AOAH: variants seen among roughly 807,000 people sequenced by gnomAD.
The protein encoded by AOAH is acyloxyacyl hydrolase (neutrophil).
A neutral mutation model predicts 92.2 loss-of-function variants in AOAH; 64 were observed. The ratio of observed to expected loss-of-function variants is 0.69; its 90% confidence interval spans 0.57 to 0.86. The LOEUF (loss-of-function observed/expected upper bound fraction) is 0.86. Among genes scored for constraint, AOAH ranks in the 40% least tolerant of loss-of-function variants. AOAH has a pLI of 0.00. For missense variants in AOAH, 656 were observed against 694.6 expected (o/e 0.94, Z 0.62); for synonymous variants, 263 against 254.5 (o/e 1.03, Z -0.32).
chr7:36,653,310 C>T (rs1371228321), intron 4 of AOAH, among the ~76,000 whole-genome samples: 2 of 152,138 alleles, frequency 1.3e-5, no homozygotes, highest in African/African-American at 4.8e-5. Flanking sequence ...ACACTACCAC[C>T]TGAGACAGTC....
chr7:36,679,577 T>TATTATATGTATAATATGTATAC (rs1189654653), intron 2 of AOAH, among the ~76,000 whole-genome samples: 16 of 150,844 alleles, frequency 1.1e-4, no homozygotes, highest in African/African-American at 3.6e-4. Flanking sequence ...ATGTATACAT[T>TATTATATGTATAATATGTATAC]ATTATATGTA....
intron 9 of AOAH, among the ~76,000 whole-genome samples, 200 bp downstream of exon 9, chr7:36,620,581 G>C (rs1346163358): frequency 6.6e-6 from 1 of 152,216 alleles, no homozygotes; most frequent in African/African-American, 2.4e-5. Context: ...GGCCATGACT[G>C]AGAAAGCCTC....
At position 36,724,005 on chromosome 7, in the gene AOAH, A is replaced by T. The variant is rs559177271; in HGVS notation, c.127+17T>A. 4.3e-6 allele frequency: 7 copies of T among 1,610,046 alleles called. No homozygotes were observed. The East Asian group carries it at 1.6e-4, about 36-fold the overall frequency. The stretch of plus-strand genomic sequence containing the variant: ...GTTATGTCTACATAGAAAATACAAA[A>T]ATATTTATTTGCATACCTACACAGG... On this transcript the variant is annotated intron_variant, in intron 1 of 20. Coordinates refer to ENST00000617537, the MANE Select transcript of AOAH (RefSeq NM_001637.4).
chr7:36,711,053 G>T (rs571350343), intron 1 of AOAH, among the ~76,000 whole-genome samples: 7 of 152,250 alleles, frequency 4.6e-5, no homozygotes, highest in African/African-American at 1.7e-4. Flanking sequence ...CCCACACTCT[G>T]CAGGTCTTAA....
chr7:36,566,480 G>C (rs1309469935), intron 13 of AOAH, among the ~76,000 whole-genome samples: 7 of 151,312 alleles, frequency 4.6e-5, no homozygotes, highest in Admixed American at 2.0e-4. Context: ...TCATACTCCA[G>C]AACAGGTGTT....
At chr7:36,720,769 T>G (rs1799573810) in intron 1 of AOAH, among the ~76,000 whole-genome samples, 1 of 139,136 alleles carries the variant, frequency 7.2e-6, no homozygotes, top group South Asian at 2.3e-4. Context: ...ATTCTAAAAA[T>G]CCTTCCTCTC....
At chr7:36,585,067 T>C (rs1389014904) in intron 12 of AOAH, among the ~76,000 whole-genome samples, 9 of 151,996 alleles carry the variant, frequency 5.9e-5, no homozygotes, top group Non-Finnish European at 1.2e-4. Flanking sequence ...GTGACATTGG[T>C]ATTGAAGGAC....
chr7:36,683,780 A>G (rs1796796631), intron 2 of AOAH, among the ~76,000 whole-genome samples: 2 of 151,746 alleles, frequency 1.3e-5, no homozygotes, highest in African/African-American at 4.9e-5. Context: ...TGACATGTGT[A>G]AATGTATATA....
intron 3 of AOAH, among the ~76,000 whole-genome samples, chr7:36,672,194 T>C (rs916652956): frequency 6.6e-5 from 10 of 152,190 alleles, no homozygotes; most frequent in African/African-American, 2.2e-4. Flanking sequence ...ATGCACAGTA[T>C]GACAGATTAC....
chr7:36,709,868 A>T (rs1798651757), intron 1 of AOAH, among the ~76,000 whole-genome samples: 1 of 152,230 alleles, frequency 6.6e-6, no homozygotes, highest in Non-Finnish European at 1.5e-5. Flanking sequence ...ACAAACCCAA[A>T]CCACCAAAAA....
intron 1 of AOAH, among the ~76,000 whole-genome samples, chr7:36,714,822 G>T (rs904695173): frequency 6.6e-6 from 1 of 152,196 alleles, no homozygotes; most frequent in South Asian, 2.1e-4. Flanking sequence ...TTGATGGGAC[G>T]TATCTCAAAA....
chr7:36,614,266 G>T lies in AOAH; in HGVS notation c.846+2114C>A, dbSNP rs1791690049. Among the ~76,000 whole-genome samples, 1 of 152,116 alleles carries T rather than the reference G, an allele frequency of 6.6e-6. No homozygotes were observed. Among genetic ancestry groups the T allele is most frequent in the South Asian group, 2.1e-4 (1 of 4,820 alleles). On this transcript the variant is annotated intron_variant, in intron 11 of 20. Transcript: ENST00000617537. This position sits in a 1 kb window ranked among gnomAD's most constrained non-coding sequence, Gnocchi z 4.2. The stretch of plus-strand genomic sequence containing the variant: ...CATTTTTTATTGTGTTGTTTGATAG[G>T]TCCATCCAGAAGTAATGGCTGTGAG...
chr7:36,553,839 T>C (rs1263076493), intron 13 of AOAH, among the ~76,000 whole-genome samples: 1 of 152,246 alleles, frequency 6.6e-6, no homozygotes, highest in African/African-American at 2.4e-5. Context: ...TTGTTTGTTT[T>C]TTCTTGTAAA....
At chr7:36,579,561 A>C (rs1472543057) in intron 12 of AOAH, among the ~76,000 whole-genome samples, 1 of 151,862 alleles carries the variant, frequency 6.6e-6, no homozygotes, top group Non-Finnish European at 1.5e-5. Context: ...ACACTCTCAC[A>C]AGGTCCCATA....
intron 12 of AOAH, among the ~76,000 whole-genome samples, chr7:36,579,573 T>C (rs140187108): frequency 9.2e-4 from 140 of 151,476 alleles, no homozygotes; most frequent in East Asian, 5.0e-3. Flanking sequence ...GGTCCCATAA[T>C]AGGCTGTAGG....
intron 15 of AOAH, among the ~76,000 whole-genome samples, chr7:36,546,250 G>A (rs746486004): frequency 1.3e-4 from 20 of 152,186 alleles, no homozygotes; most frequent in Admixed American, 1.3e-4. Context: ...AAAGAAAAAC[G>A]TCAAGCAAAT....
At chr7:36,540,240 A>C in intron 16 of AOAH, 79 bp downstream of exon 16, 1 of 1,331,956 alleles carries the variant, frequency 7.5e-7, no homozygotes, top group Non-Finnish European at 1.0e-6. Context: ...GCACATTTCT[A>C]TATGGTTTGA....
chr7:36,601,138 T>G (rs1000615593), intron 11 of AOAH, among the ~76,000 whole-genome samples: 4 of 152,188 alleles, frequency 2.6e-5, no homozygotes, highest in African/African-American at 9.7e-5. Context: ...AGAGGATATA[T>G]CATCTGGTTT....
chr7:36,679,621 T>TG (rs1796514758), intron 2 of AOAH, among the ~76,000 whole-genome samples: 2 of 33,318 alleles, frequency 6.0e-5, no homozygotes, highest in African/African-American at 1.6e-4. Context: ...TGTATAATTA[T>TG]TATATACAAA....
Sources: allele counts gnomAD v4.1 joint callset (sites outside exome capture counted in the v4.1 genomes callset), GRCh38; gene constraint gnomAD v4.1.1; non-coding constraint Gnocchi (gnomAD v3.1); transcripts MANE v1.5; gene names NCBI Gene and HGNC (gene_info 2026-07-23, HGNC 2026-07-21).